The following ADGRE2 variants were observed in gnomAD, a reference collection of about 807,000 sequenced individuals.
ADGRE2 encodes the protein CD97 antigen.
In ADGRE2, 83 loss-of-function variants were observed where a neutral mutation model predicts 100.8. That is an observed-to-expected ratio of 0.82 (90% CI 0.69 to 0.99). The LOEUF (loss-of-function observed/expected upper bound fraction) is 0.99. ADGRE2 is among the 50% of genes least tolerant of loss of function. The probability of loss-of-function intolerance (pLI) is 0.00; values close to 1 mark genes in which losing one functional copy is unlikely to be tolerated. For synonymous variants in ADGRE2, 355 were observed against 413.0 expected (o/e 0.86, Z 1.70); for missense variants, 814 against 1,035.7 (o/e 0.79, Z 2.94).
At chr19:14,769,418 C>T (rs1035075743) in intron 5 of ADGRE2, among the ~76,000 whole-genome samples, 2 of 151,946 alleles carry the variant, frequency 1.3e-5, no homozygotes, top group Non-Finnish European at 2.9e-5. Context: ...AGGGAGTGGC[C>T]CCAGGTCTCC....
At chr19:14,774,774 A>G (rs1052363650) in intron 2 of ADGRE2, among the ~76,000 whole-genome samples, 1 of 148,530 alleles carries the variant, frequency 6.7e-6, no homozygotes, top group Non-Finnish European at 1.5e-5. Context: ...CCTGGGTTCA[A>G]GCAATTCTCC....
intron 16 of ADGRE2, among the ~76,000 whole-genome samples, chr19:14,749,643 T>G (rs1172327312): frequency 6.2e-3 from 851 of 136,706 alleles, no homozygotes; most frequent in African/African-American, 0.025. Context: ...TATAGCTATG[T>G]TATGTAATTA....
At position 14,732,850 on chromosome 19, in the gene ADGRE2, C is replaced by A. The variant is rs190965602; in HGVS notation, c.*3386G>T. 8 of 152,218 alleles carry A rather than the reference C, an allele frequency of 5.3e-5. No individual in the cohort carries two copies. The East Asian group carries it at 1.5e-3, about 29-fold the overall frequency. The allele number at this position is 152,218 out of a possible 1,614,324, so 9.4% of individuals were successfully genotyped here. A position where few individuals can be genotyped will look rare whatever the true frequency, so the allele number is the denominator to read the frequency against. On this transcript the variant is annotated 3_prime_UTR_variant, in exon 21 of 21. Coordinates refer to ENST00000315576, the MANE Select transcript of ADGRE2 (RefSeq NM_013447.4). ...GCCATGATCATTCATTTATGATTGT[C>A]TATAGCTGTTTTCATACCACAGTGG...
Position 14,766,312 on chromosome 19 carries a change from C to T in ADGRE2, c.557G>A (p.Ser186Asn). 6.2e-7 allele frequency: 1 copy of T among 1,614,104 alleles called. No individual in the cohort carries two copies. Among genetic ancestry groups the T allele is most frequent in the South Asian group, 1.1e-5 (1 of 91,078 alleles). The change falls in exon 7 of 21, where the codon AGC becomes AAC. Residue 186 changes from serine to asparagine, a missense_variant. Physicochemically the swap from Ser to Asn is conservative, Grantham distance 46 (BLOSUM62 1). Around this residue, in one of 5 missense-constraint regions of ADGRE2, gnomAD observed 69 missense variants for 75.3 expected, o/e 0.92. Transcript: ENST00000315576. ...GCCCGGGCGGCAGCGGCACTGATAG[C>T]TGCCCACGTTGTTGAGGCAGTGGGT... ...SSTHCLNNVGSYQCRCRPGWQ... is the reference protein window; with the variant it reads ...SSTHCLNNVGNYQCRCRPGWQ...
In ADGRE2 at chr19:14,743,600, A is replaced by G. The variant is rs543885093; in HGVS notation, c.2352+16T>C. ...GAGGACAGGAAGAGTCCTGGGTGGG[A>G]GCTGGGCAGTGGTACCTGCTGGCTG... On this transcript the variant is annotated intron_variant, in intron 19 of 20. Coordinates refer to ENST00000315576, the MANE Select transcript of ADGRE2 (RefSeq NM_013447.4). The G allele has an allele frequency of 3.7e-6, 6 of 1,614,076 alleles. No individual in the cohort carries two copies. The South Asian group carries it at 6.6e-5, about 18-fold the overall frequency.
chr19:14,760,796 G>A (rs1173114422), intron 11 of ADGRE2, among the ~76,000 whole-genome samples: 3 of 152,080 alleles, frequency 2.0e-5, no homozygotes, highest in Non-Finnish European at 2.9e-5. Flanking sequence ...AAGCTGACCA[G>A]CATTTAACAT....
intron 14 of ADGRE2, among the ~76,000 whole-genome samples, chr19:14,754,391 C>T (rs1036075062): frequency 2.0e-5 from 3 of 151,738 alleles, no homozygotes; most frequent in Middle Eastern, 3.2e-3. Context: ...TCTGGGTGGG[C>T]ACCATCTAAT....
rs141784493 is a variant in ADGRE2, at chr19:14,740,222, T to TTG, written c.2463+3196_2463+3197dup. On this transcript the variant is annotated intron_variant, in intron 20 of 20. Coordinates refer to ENST00000315576, the MANE Select transcript of ADGRE2 (RefSeq NM_013447.4). ...AATGTGTCATCATGATGACTTGGAT[T>TTG]TGTGTGTGTGTGTGTGTGTGACATA... 7.3e-3 allele frequency among the ~76,000 whole-genome samples: 1,096 copies of TTG among 149,402 alleles called. 7 individuals are homozygous for TTG. Among genetic ancestry groups the TTG allele is most frequent in the African/African-American group, 0.017 (696 of 40,968 alleles).
Position 14,751,704 on chromosome 19 carries a change from G to A in ADGRE2, c.1789-33C>T, listed in dbSNP as rs1357576968. 3.4e-5 allele frequency: 52 copies of A among 1,545,208 alleles called. No homozygotes were observed. In the Middle Eastern group the frequency reaches 5.0e-4, roughly 15 times the overall value. ...AGAAGTAAAAGACGCCCAGAGCGGCGATCAGATTTGAGTGTGGCCCATGGC... is the reference window on the plus strand; with the variant it reads ...AGAAGTAAAAGACGCCCAGAGCGGCAATCAGATTTGAGTGTGGCCCATGGC... On this transcript the variant is annotated intron_variant, in intron 15 of 20. Coordinates refer to ENST00000315576, the MANE Select transcript of ADGRE2 (RefSeq NM_013447.4).
Position 14,736,222 on chromosome 19 carries a change from T to C in ADGRE2, c.*14A>G. ...CCACGGGCAAAGAGGGAAGATCTTA[T>C]TCAGAAGATTTTTCTAGTTAACCTG... On this transcript the variant is annotated 3_prime_UTR_variant, in exon 21 of 21. Transcript: ENST00000315576. 6.3e-7 allele frequency: 1 copy of C among 1,583,632 alleles called. No individual in the cohort carries two copies. The highest frequency in any genetic ancestry group is 8.7e-7 in the Non-Finnish European group (1 of 1,153,108).
chr19:14,741,091 GTTTT>G (rs71333309), intron 20 of ADGRE2, among the ~76,000 whole-genome samples: 20,292 of 116,576 alleles, frequency 0.17, 1,494 homozygotes, highest in East Asian at 0.25. Flanking sequence ...TGAATAGGCT[GTTTT>G]TTTTTTTTTT....
intron 2 of ADGRE2, among the ~76,000 whole-genome samples, chr19:14,775,295 A>T (rs1265162960): frequency 6.6e-6 from 1 of 151,966 alleles, no homozygotes; most frequent in African/African-American, 2.4e-5. Context: ...ATGAGCCATC[A>T]CGCCTGGCCA....
chr19:14,764,720 A>G (rs752910764), intron 10 of ADGRE2, 110 bp from the exon 11 acceptor site: 379 of 1,209,640 alleles, frequency 3.1e-4, no homozygotes, highest in Non-Finnish European at 4.2e-4. Flanking sequence ...TATCTGGGGG[A>G]TGAAGATGGC....
chr19:14,729,544 G>T (rs2042654838), downstream of ADGRE2, among the ~76,000 whole-genome samples: 3 of 151,938 alleles, frequency 2.0e-5, no homozygotes, highest in South Asian at 6.2e-4. Context: ...GTAGAGTTAG[G>T]GTTTCTCCAT....
intron 11 of ADGRE2, among the ~76,000 whole-genome samples, chr19:14,758,290 A>G (rs1211811073): frequency 6.6e-6 from 1 of 152,264 alleles, no homozygotes; most frequent in African/African-American, 2.4e-5. Context: ...ATCTACTATC[A>G]GAATGTTTAA....
Position 14,756,401 on chromosome 19 carries a change from G to C in ADGRE2, c.1085-56C>G, listed in dbSNP as rs1262878111. ...TTAGGTTAGGAATCGTGCCTGCAGT[G>C]GTTGATATACTATGACTTAATATAT... On this transcript the variant is annotated intron_variant, in intron 11 of 20. Coordinates refer to ENST00000315576, the MANE Select transcript of ADGRE2 (RefSeq NM_013447.4). 2.6e-6 allele frequency: 3 copies of C among 1,141,954 alleles called. No homozygotes were observed. The Admixed American group carries it at 5.1e-5, about 19-fold the overall frequency. 70.7% of individuals were successfully genotyped at this position (1,141,954 alleles called of 1,614,324 possible).
chr19:14,743,603 T>C lies in ADGRE2; in HGVS notation c.2352+13A>G, dbSNP rs760593052. ...GACAGGAAGAGTCCTGGGTGGGAGC[T>C]GGGCAGTGGTACCTGCTGGCTGAGG... On this transcript the variant is annotated intron_variant, in intron 19 of 20. Coordinates refer to ENST00000315576, the MANE Select transcript of ADGRE2 (RefSeq NM_013447.4). 1.2e-6 allele frequency: 2 copies of C among 1,614,048 alleles called. No homozygotes were observed. Among genetic ancestry groups the C allele is most frequent in the Admixed American group, 3.3e-5 (2 of 60,014 alleles).
At chr19:14,728,011 A>G (rs145996620), downstream of ADGRE2, among the ~76,000 whole-genome samples, 2 of 152,148 alleles carry the variant, frequency 1.3e-5, no homozygotes, top group Non-Finnish European at 2.9e-5. Flanking sequence ...TCACGAGGTC[A>G]GGAGATCGAG....
chr19:14,756,486 C>G, intron 11 of ADGRE2, 141 bp from the exon 12 acceptor site: 1 of 638,434 alleles, frequency 1.6e-6, no homozygotes, highest in South Asian at 1.9e-5. Context: ...GTGTGAGCAA[C>G]TGTATATCTA....
Sources: gnomAD v4.1 joint callset for allele counts (sites outside exome capture counted in the v4.1 genomes callset) on GRCh38, gnomAD v4.1.1 for gene constraint, gnomAD v4.1.1 regional missense constraint, MANE v1.5 for transcripts, NCBI Gene and HGNC (gene_info 2026-07-23, HGNC 2026-07-21) for gene names.